Variants in AKAP1 observed in about 807,000 individuals in gnomAD.
The protein encoded by AKAP1 is A-kinase anchor protein 1, mitochondrial.
Under a neutral mutation model 79.8 loss-of-function variants are expected in AKAP1, and 32 were observed. The observed-to-expected ratio is 0.40, with a 90% CI of 0.30 to 0.54. The LOEUF (loss-of-function observed/expected upper bound fraction) is 0.54, where lower values mean the gene tolerates loss of function less well. Ranked by LOEUF, AKAP1 falls within the 20% of genes least tolerant of loss-of-function variation. The pLI is 0.47. For synonymous variants in AKAP1, 416 were observed against 466.7 expected, an observed-to-expected ratio of 0.89 and a Z score of 1.40; for missense variants, 961 against 1,138.9, an observed-to-expected ratio of 0.84 and a Z score of 2.25.
chr17:57,108,059 C>T (rs1350201207), intron 2 of AKAP1: 10 of 1,181,136 alleles, frequency 8.5e-6, no homozygotes, highest in African/African-American at 8.2e-5. Flanking sequence ...GTCAGCAGCT[C>T]CTGACCCTGC....
intron 2 of AKAP1, chr17:57,108,051 C>G: frequency 8.3e-7 from 1 of 1,205,822 alleles, no homozygotes; most frequent in African/African-American, 1.6e-5. Flanking sequence ...ACTTACAGGT[C>G]AGCAGCTCCT....
At chr17:57,113,258 C>T (rs1285572742) in intron 5 of AKAP1, among the ~76,000 whole-genome samples, 1 of 152,238 alleles carries the variant, frequency 6.6e-6, no homozygotes, top group Non-Finnish European at 1.5e-5. Flanking sequence ...TGCCGTGTGC[C>T]TCTGGCCCTG....
At chr17:57,105,230 G>T (rs1914769202) in intron 1 of AKAP1, among the ~76,000 whole-genome samples, 1 of 152,152 alleles carries the variant, frequency 6.6e-6, no homozygotes, top group Non-Finnish European at 1.5e-5. Flanking sequence ...GAGCATGGAG[G>T]GGAAGATGCC....
intron 1 of AKAP1, among the ~76,000 whole-genome samples, chr17:57,087,539 C>T (rs1343996461): frequency 1.3e-5 from 2 of 152,176 alleles, no homozygotes; most frequent in African/African-American, 4.8e-5. Flanking sequence ...TGGTGTTAGC[C>T]TCTACAGTAT....
At chr17:57,117,004 C>T in intron 8 of AKAP1, 77 bp downstream of exon 8, 1 of 1,372,212 alleles carries the variant, frequency 7.3e-7, no homozygotes, top group South Asian at 1.2e-5. Flanking sequence ...AGCCTCCGTT[C>T]TCACCTGGAG....
At chr17:57,087,452 A>T (rs1252159820) in intron 1 of AKAP1, among the ~76,000 whole-genome samples, 2 of 152,202 alleles carry the variant, frequency 1.3e-5, no homozygotes, top group Non-Finnish European at 2.9e-5. Flanking sequence ...AAAGCAATTT[A>T]TCTTGCTGCC....
rs949894027 is a variant in AKAP1, at chr17:57,105,929, A to C, written c.465A>C (p.Val155=). ...LECPLSSPKG[V]LFSSKSAEVC... ...GCCCCCTTTCATCCCCAAAGGGTGTACTATTCTCCAGCAAATCAGCTGAGG... is the reference window on the plus strand; with the variant it reads ...GCCCCCTTTCATCCCCAAAGGGTGTCCTATTCTCCAGCAAATCAGCTGAGG... Residue 155 remains valine (V), a synonymous_variant, in exon 2 of 11, where the codon GTA becomes GTC. Transcript: ENST00000337714. The C allele has an allele frequency of 1.3e-5, 21 of 1,614,208 alleles. 1 individual carries two copies. Among genetic ancestry groups the C allele is most frequent in the Non-Finnish European group, 1.7e-5 (20 of 1,180,042 alleles).
At position 57,105,524 on chromosome 17, in the gene AKAP1, C is replaced by A. The variant is rs867529780; in HGVS notation, c.60C>A (p.Leu20=). 1.2e-6 allele frequency: 2 copies of A among 1,614,122 alleles called. No individual in the cohort carries two copies. Among genetic ancestry groups the A allele is most frequent in the East Asian group, 4.5e-5 (2 of 44,872 alleles). The change falls in exon 2 of 11, where the codon CTC becomes CTA. Residue 20 remains leucine (L), a synonymous_variant. Transcript: ENST00000337714. The stretch of plus-strand genomic sequence containing the variant: ...CATTGCCTGGGATGCTGGCGCTCCT[C>A]GGCTGGTGGTGGTTTTTCTCTCGTA... ...PLALPGMLAL[L]GWWWFFSRKK...
rs561980084 is a variant in AKAP1 at position 57,106,033 on chromosome 17, G to A, written c.569G>A (p.Arg190His). 5.0e-6 allele frequency: 8 copies of A among 1,613,176 alleles called. No individual in the cohort carries two copies. The Admixed American group carries it at 5.0e-5, about 10-fold the overall frequency. Residue 190 changes from arginine to histidine, a missense_variant, in exon 2 of 11, where the codon CGT (arginine) becomes CAT (histidine). Transcript: ENST00000337714. ...PGYPVVPAEK[R>H]SSGERARETG... ...TACCCCGTAGTCCCCGCAGAGAAGC[G>A]TAGCTCTGGGGAGAGGGCAAGAGAG...
chr17:57,119,647 G>A (rs1432020007), intron 10 of AKAP1, among the ~76,000 whole-genome samples: 7 of 151,814 alleles, frequency 4.6e-5, no homozygotes, highest in African/African-American at 1.2e-4. Flanking sequence ...CCTGGGAGAC[G>A]GAGGTTGCAG....
Position 57,086,441 on chromosome 17 carries a change from G to C in AKAP1, c.-25+1043G>C, listed in dbSNP as rs982289971. 6 of 456,292 alleles carry C rather than the reference G, an allele frequency of 1.3e-5. No homozygotes were observed. The highest frequency in any genetic ancestry group is 2.6e-5 in the Non-Finnish European group (6 of 226,808). 28.3% of individuals were successfully genotyped at this position (456,292 alleles called of 1,614,324 possible). A position where few individuals can be genotyped will look rare whatever the true frequency, so the allele number is the denominator to read the frequency against. On this transcript the variant is annotated intron_variant, in intron 1 of 10. Transcript: ENST00000337714. This position sits in a 1 kb window ranked among gnomAD's most constrained non-coding sequence, Gnocchi z 5.1. ...TGTGGCGACTCGGAACGGCATGGGA[G>C]CCCTGGGCGTTTCGGGATCTTCCTC...
intron 8 of AKAP1, 124 bp from the exon 9 acceptor site, chr17:57,118,257 G>T (rs1240219979): frequency 6.0e-6 from 5 of 836,126 alleles, no homozygotes; most frequent in Non-Finnish European, 4.0e-6. Context: ...TCTCCCCAGT[G>T]CAGTTCTCAA....
chr17:57,106,626 A>T lies in AKAP1; in HGVS notation c.1162A>T (p.Ser388Cys). 1 of 1,614,102 alleles carries T rather than the reference A, an allele frequency of 6.2e-7. No individual in the cohort carries two copies. Among genetic ancestry groups the T allele is most frequent in the South Asian group, 1.1e-5 (1 of 91,078 alleles). The change falls in exon 2 of 11, where the codon AGC becomes TGC. Residue 388 changes from serine to cysteine, a missense_variant. Coordinates refer to ENST00000337714, the MANE Select transcript of AKAP1 (RefSeq NM_003488.4). Reference sequence around the variant, plus strand: ...TCAGCTCCAAGGGCAGAAGGAAGAGAGCTGTGTCCCAGTTCACCAGAAAAC... The same window carrying T: ...TCAGCTCCAAGGGCAGAAGGAAGAGTGCTGTGTCCCAGTTCACCAGAAAAC... The part of the protein sequence containing the change: ...ASQLQGQKEE[S>C]CVPVHQKTVL...
chr17:57,117,627 C>T (rs1017004648), intron 8 of AKAP1, among the ~76,000 whole-genome samples: 1 of 152,174 alleles, frequency 6.6e-6, no homozygotes. Context: ...TAGCTGGAGT[C>T]GGCTTAGAGG....
intron 7 of AKAP1, 32 bp downstream of exon 7, chr17:57,116,293 CCTG>C (rs1260170108): frequency 3.1e-6 from 5 of 1,612,724 alleles, no homozygotes; most frequent in Admixed American, 3.3e-5. Context: ...AGGCCTACGC[CCTG>C]CTTGTTCTGG....
At chr17:57,117,977 C>T (rs530596529) in intron 8 of AKAP1, among the ~76,000 whole-genome samples, 1 of 152,258 alleles carries the variant, frequency 6.6e-6, no homozygotes, top group African/African-American at 2.4e-5. Context: ...CAGGAATCCA[C>T]CTTTGCCTCA....
chr17:57,114,441 C>T lies in AKAP1; in HGVS notation c.2104-18C>T. 6.2e-7 allele frequency: 1 copy of T among 1,611,362 alleles called. No homozygotes were observed. The highest frequency in any genetic ancestry group is 1.1e-5 in the South Asian group (1 of 90,972). Reference sequence around the variant, plus strand: ...AAGAAGGATTGTTTCAGTGACCGCTCCCCCTTCCCCTCTACAGCTCATGCT... The same window carrying T: ...AAGAAGGATTGTTTCAGTGACCGCTTCCCCTTCCCCTCTACAGCTCATGCT... On this transcript the variant is annotated intron_variant, in intron 5 of 10. Transcript: ENST00000337714.
chr17:57,112,522 C>T lies in AKAP1; in HGVS notation c.2007C>T (p.Asn669=). The T allele has an allele frequency of 1.2e-6, 2 of 1,614,180 alleles. No homozygotes were observed. The highest frequency in any genetic ancestry group is 8.5e-7 in the Non-Finnish European group (1 of 1,180,026). ...GSQHHVDKAL[N]LIGKKFKELN... is the part of the protein sequence containing the mutation. ...AACATCATGTAGACAAAGCGCTGAA[C>T]TTGATTGGGAAGAAGTTCAAAGAGC... is the stretch of plus-strand genomic sequence containing the variant. Residue 669 remains asparagine, a synonymous_variant, in exon 5 of 11, where the codon AAC becomes AAT. Transcript: ENST00000337714.
At chr17:57,112,381 G>T in intron 4 of AKAP1, 110 bp from the exon 5 acceptor site, 1 of 1,361,790 alleles carries the variant, frequency 7.3e-7, no homozygotes. Flanking sequence ...AGATGCACTT[G>T]AACTCTATGC....
Sources: gnomAD v4.1 joint callset for allele counts (sites outside exome capture counted in the v4.1 genomes callset) on GRCh38, gnomAD v4.1.1 for gene constraint, Gnocchi (gnomAD v3.1) non-coding constraint, MANE v1.5 for transcripts, NCBI Gene and HGNC (gene_info 2026-07-23, HGNC 2026-07-21) for gene names.